MGST1: variants seen among roughly 807,000 people sequenced by gnomAD.
MGST1 encodes glutathione S-transferase 12.
MGST1 carries 5 observed loss-of-function variants against 8.9 expected under a neutral mutation model. The observed-to-expected ratio is 0.56, with a 90% confidence interval of 0.29 to 1.19. The LOEUF (loss-of-function observed/expected upper bound fraction) is 1.19. MGST1 is among the 50% of genes most tolerant of loss of function. MGST1 has a pLI of 0.08. For synonymous variants in MGST1, 54 were observed against 67.8 expected (o/e 0.80, Z 1.00); for missense variants, 182 against 187.4 (o/e 0.97, Z 0.17).
chr12:16,435,805 TTATAA>T (rs1186517636), intron 1 of MGST1, among the ~76,000 whole-genome samples: 2 of 151,960 alleles, frequency 1.3e-5, no homozygotes, highest in Admixed American at 6.6e-5. Flanking sequence ...GTTTATTATC[TTATAA>T]TAAAATATAG....
chr12:16,526,633 A>G (rs952431730), intron 4 of MGST1, among the ~76,000 whole-genome samples: 3 of 152,072 alleles, frequency 2.0e-5, no homozygotes, highest in Non-Finnish European at 4.4e-5. Context: ...AGGTCTTGCC[A>G]TAAAGGAATT....
At chr12:16,353,692 A>C (rs1939577218) in intron 1 of MGST1, among the ~76,000 whole-genome samples, 1 of 150,848 alleles carries the variant, frequency 6.6e-6, no homozygotes, top group South Asian at 2.1e-4. Context: ...TTTTTTTTCA[A>C]GTAGTACTTG....
chr12:16,409,320 C>A (rs572482354), intron 1 of MGST1, among the ~76,000 whole-genome samples: 1 of 151,536 alleles, frequency 6.6e-6, no homozygotes, highest in Non-Finnish European at 1.5e-5. Flanking sequence ...ACACACATAT[C>A]CACACACACA....
chr12:16,427,158 G>A (rs1940898128), intron 1 of MGST1, among the ~76,000 whole-genome samples: 1 of 152,116 alleles, frequency 6.6e-6, no homozygotes, highest in Admixed American at 6.5e-5. Context: ...TTAAGGAGAA[G>A]TTAAAGTTAC....
chr12:16,463,555 C>T (rs2137127396), intron 4 of MGST1, among the ~76,000 whole-genome samples: 1 of 151,458 alleles, frequency 6.6e-6, no homozygotes, highest in Middle Eastern at 3.4e-3. Context: ...CTGCAGCAAA[C>T]CTGCACATCT....
At chr12:16,368,768 G>C (rs923132424), downstream of MGST1, among the ~76,000 whole-genome samples, 4 of 152,092 alleles carry the variant, frequency 2.6e-5, no homozygotes, top group Admixed American at 6.6e-5. Context: ...AGAAAGCCCT[G>C]ACAGCCCTGC....
At position 16,551,959 on chromosome 12, in the gene MGST1, T is replaced by C. The variant is rs979691548; in HGVS notation, n.483-37569T>C. On this transcript the variant is annotated intron_variant and non_coding_transcript_variant, in intron 4 of 4. Coordinates refer to the MGST1 transcript ENST00000538857. ...AAGTTCACCAACATGAAATAGTAGA[T>C]GTCATTTCTTAGAGCACTTCCAATT... Among the ~76,000 whole-genome samples, 4 of 152,148 alleles carry C rather than the reference T, an allele frequency of 2.6e-5. No homozygotes were observed. The South Asian group carries it at 6.2e-4, about 24-fold the overall frequency.
chr12:16,364,402 A>T lies in MGST1; in HGVS notation c.*361A>T. ...GAAACAGACATGAAATAAAGAATTT[A>T]AAGAATGATTTTGTTTGGTTTTATT... On this transcript the variant is annotated 3_prime_UTR_variant, in exon 4 of 4. Transcript: ENST00000396210. The surrounding 1 kb of genome is among the most constrained non-coding windows in gnomAD (Gnocchi z 5.7). 1 of 988,286 alleles carries T rather than the reference A, an allele frequency of 1.0e-6. No homozygotes were observed. The highest frequency in any genetic ancestry group is 1.2e-6 in the Non-Finnish European group (1 of 829,938). The allele number at this position is 988,286 out of a possible 1,614,324, so 61.2% of individuals were successfully genotyped here.
intron 4 of MGST1, among the ~76,000 whole-genome samples, chr12:16,529,323 T>C (rs1015923429): frequency 6.6e-6 from 1 of 152,042 alleles, no homozygotes; most frequent in Non-Finnish European, 1.5e-5. Flanking sequence ...CACCCAATGA[T>C]AGTCTGCGAA....
At chr12:16,501,327 G>A (rs10772941) in intron 4 of MGST1, among the ~76,000 whole-genome samples, 1 of 151,984 alleles carries the variant, frequency 6.6e-6, no homozygotes, top group Non-Finnish European at 1.5e-5. Flanking sequence ...CTTCAAAAAG[G>A]TATAAGCTAG....
In MGST1 at chr12:16,582,302, T is replaced by G. The variant is rs1943186383; in HGVS notation, n.483-7226T>G. On this transcript the variant is annotated intron_variant and non_coding_transcript_variant, in intron 4 of 4. Transcript: ENST00000538857. This position sits in a 1 kb window ranked among gnomAD's most constrained non-coding sequence, Gnocchi z 4.1. ...AGATTGAGATATGTCCTGGTGTTCATTCTCTGAATTCTAGAAAACATCTTA... is the reference window on the plus strand; with the variant it reads ...AGATTGAGATATGTCCTGGTGTTCAGTCTCTGAATTCTAGAAAACATCTTA... Among the ~76,000 whole-genome samples, 5 of 152,224 alleles carry G rather than the reference T, an allele frequency of 3.3e-5. No individual in the cohort carries two copies.
At chr12:16,407,756 G>A (rs867062738) in intron 1 of MGST1, among the ~76,000 whole-genome samples, 9 of 152,004 alleles carry the variant, frequency 5.9e-5, no homozygotes, top group South Asian at 2.1e-4. Context: ...AAGATTGGCC[G>A]ATTGCAGTGG....
In MGST1 at chr12:16,370,715, C is replaced by T. The variant is rs1591708708; in HGVS notation, c.222-5407C>T. On this transcript the variant is annotated intron_variant, in intron 3 of 3. Transcript: ENST00000535309. ...CACATGAGAAACCCAGGCAAGTCACCTACTTATGCTCTATTCATTTCTTCA... is the reference window on the plus strand; with the variant it reads ...CACATGAGAAACCCAGGCAAGTCACTTACTTATGCTCTATTCATTTCTTCA... Among the ~76,000 whole-genome samples, 4 of 152,242 alleles carry T rather than the reference C, an allele frequency of 2.6e-5. 1 individual carries two copies. The highest frequency in any genetic ancestry group is 2.6e-4 in the Admixed American group (4 of 15,292).
At chr12:16,468,899 A>C (rs978086210) in intron 4 of MGST1, among the ~76,000 whole-genome samples, 1 of 152,176 alleles carries the variant, frequency 6.6e-6, no homozygotes, top group African/African-American at 2.4e-5. Flanking sequence ...TTCTTATGAC[A>C]CTGCTGTCCT....
rs977276848 is a variant in MGST1 at position 16,400,277 on chromosome 12, T to G, written n.778+16673T>G. The G allele has an allele frequency of 3.2e-5, 26 of 805,270 alleles. 1 individual carries two copies. Among genetic ancestry groups the G allele is most frequent in the Non-Finnish European group, 3.6e-5 (16 of 448,994 alleles). The allele number at this position is 805,270 out of a possible 1,614,324, so 49.9% of individuals were successfully genotyped here. On this transcript the variant is annotated intron_variant and non_coding_transcript_variant, in intron 1 of 1. Coordinates refer to the MGST1 transcript ENST00000359720. The stretch of plus-strand genomic sequence containing the variant: ...TTCTTGAGGTGAAAATGCAAGACAA[T>G]AATCATTACTCCATCACAGAGCTGG...
chr12:16,357,633 C>A lies in MGST1; in HGVS notation c.155C>A (p.Ala52Glu), dbSNP rs1462560361. Reference protein sequence around the residue: ...KVFANPEDCVAFGKGENAKKY... With the variant: ...KVFANPEDCVEFGKGENAKKY... ...TTTGCCAATCCAGAAGACTGTGTAG[C>A]ATTTGGCAAAGGAGAAAATGCCAAG... The change falls in exon 3 of 4, where the codon GCA becomes GAA. Residue 52 changes from alanine to glutamate, a missense_variant. Physicochemically the swap from Ala to Glu is moderately radical, Grantham distance 107. Transcript: ENST00000396210. The A allele has an allele frequency of 7.4e-6, 12 of 1,613,676 alleles. No individual in the cohort carries two copies. Among genetic ancestry groups the A allele is most frequent in the Non-Finnish European group, 1.0e-5 (12 of 1,179,900 alleles).
At chr12:16,492,177 A>G (rs922289955) in intron 4 of MGST1, among the ~76,000 whole-genome samples, 13 of 152,306 alleles carry the variant, frequency 8.5e-5, no homozygotes, top group African/African-American at 2.9e-4. Context: ...CTCACCTAAC[A>G]TTTTTAATAT....
intron 1 of MGST1, among the ~76,000 whole-genome samples, chr12:16,435,934 T>G (rs1456622292): frequency 2.0e-5 from 3 of 151,624 alleles, no homozygotes; most frequent in Admixed American, 2.0e-4. Context: ...ATAGGAAAAT[T>G]GAAAATATAG....
chr12:16,414,651 G>A (rs1056699054), intron 1 of MGST1, among the ~76,000 whole-genome samples: 5 of 151,852 alleles, frequency 3.3e-5, no homozygotes, highest in African/African-American at 7.2e-5. Flanking sequence ...TCCTGACCTC[G>A]TGATCCACCC....
Sources: allele counts gnomAD v4.1 joint callset (sites outside exome capture counted in the v4.1 genomes callset), GRCh38; gene constraint gnomAD v4.1.1; non-coding constraint Gnocchi (gnomAD v3.1); transcripts MANE v1.5; gene names NCBI Gene and HGNC (gene_info 2026-07-23, HGNC 2026-07-21).